Variants in CEP120 observed in about 807,000 individuals in gnomAD.
The protein encoded by CEP120 is centrosomal protein of 120 kDa.
A neutral mutation model predicts 126.5 loss-of-function variants in CEP120; 113 were observed. The observed-to-expected ratio is 0.89, with a 90% CI of 0.77 to 1.04. The LOEUF (loss-of-function observed/expected upper bound fraction) is 1.04. CEP120 is among the 50% of genes least tolerant of loss of function. The pLI is 0.00. For synonymous variants in CEP120, 400 were observed against 394.3 expected (o/e 1.01, Z -0.17); for missense variants, 1,230 against 1,155.7 (o/e 1.06, Z -0.93).
At chr5:123,415,248 C>A (rs924440485) in intron 3 of CEP120, among the ~76,000 whole-genome samples, 1 of 151,898 alleles carries the variant, frequency 6.6e-6, no homozygotes, top group African/African-American at 2.4e-5. Flanking sequence ...CAGTGAAAAG[C>A]AGAATAGCAG....
intron 4 of CEP120, among the ~76,000 whole-genome samples, chr5:123,404,018 T>A (rs918023208): frequency 6.6e-6 from 1 of 152,224 alleles, no homozygotes; most frequent in African/African-American, 2.4e-5. Context: ...GTAATAAGGT[T>A]ACATGTGTTA....
At chr5:123,406,190 C>CACAGA (rs1773646099) in intron 4 of CEP120, among the ~76,000 whole-genome samples, 3 of 147,374 alleles carry the variant, frequency 2.0e-5, no homozygotes, top group East Asian at 2.0e-4. Flanking sequence ...AAAAAAAAAC[C>CACAGA]ACAGAACAGA....
chr5:123,409,724 G>A (rs1351035596), intron 4 of CEP120, among the ~76,000 whole-genome samples: 1 of 152,058 alleles, frequency 6.6e-6, no homozygotes, highest in Non-Finnish European at 1.5e-5. Context: ...TTGGGAGGCC[G>A]AGGCAGGCGG....
At position 123,387,243 on chromosome 5, in the gene CEP120, C is replaced by G. The variant is rs115686008; in HGVS notation, c.1431-576G>C. Among the ~76,000 whole-genome samples, 557 of 152,142 alleles carry G rather than the reference C, an allele frequency of 3.7e-3. 3 individuals carry two copies. The highest frequency in any genetic ancestry group is 0.013 in the African/African-American group (536 of 41,522). On this transcript the variant is annotated intron_variant, in intron 9 of 19. Transcript: ENST00000306467. ...AAATTTAATCCTGTATCTTGTTATT[C>G]ATATATGAGAACTAAAATTTAAACA... is the stretch of plus-strand genomic sequence containing the variant.
intron 18 of CEP120, among the ~76,000 whole-genome samples, chr5:123,351,532 T>C (rs1398273976): frequency 1.3e-5 from 2 of 152,168 alleles, no homozygotes; most frequent in Non-Finnish European, 2.9e-5. Flanking sequence ...AGGCTTCAAA[T>C]TGCGTGGTCA....
At chr5:123,389,061 T>C (rs1255704311) in intron 8 of CEP120, among the ~76,000 whole-genome samples, 1 of 152,158 alleles carries the variant, frequency 6.6e-6, no homozygotes, top group Non-Finnish European at 1.5e-5. Context: ...TCCAACCTAT[T>C]AGAGATCAGA....
intron 6 of CEP120, 97 bp downstream of exon 6, chr5:123,393,203 G>A (rs997477326): frequency 2.8e-6 from 3 of 1,076,626 alleles, no homozygotes; most frequent in Non-Finnish European, 4.2e-6. Context: ...TACTGAAATA[G>A]GATTAAGTTT....
chr5:123,378,436 ATAGT>A lies in CEP120; in HGVS notation c.2104-12_2104-9del. 7.3e-7 allele frequency: 1 copy of A among 1,369,076 alleles called. No homozygotes were observed. The allele number at this position is 1,369,076 out of a possible 1,614,324, so 84.8% of individuals were successfully genotyped here. A position where few individuals can be genotyped will look rare whatever the true frequency, so the allele number is the denominator to read the frequency against. On this transcript the variant is annotated splice_polypyrimidine_tract_variant and intron_variant, in intron 14 of 19. Transcript: ENST00000306467. ...AATAGTATATTCAGCCACCTAAAAT[ATAGT>A]AAAAAAAAAAAAAAAAAAGTTACCT...
chr5:123,423,220 G>C lies in CEP120; in HGVS notation c.-222C>G. The C allele has an allele frequency of 3.6e-6, 2 of 562,552 alleles. No individual in the cohort carries two copies. The highest frequency in any genetic ancestry group is 2.1e-5 in the South Asian group (1 of 47,700). 34.8% of individuals were successfully genotyped at this position (562,552 alleles called of 1,614,324 possible). On this transcript the variant is annotated 5_prime_UTR_variant, in exon 1 of 20. Transcript: ENST00000306467. ...GATCCTAACTGTGCCCCGACTCAAG[G>C]AAAAAGCCACGCTGCAGCCCTGCCA...
At chr5:123,354,106 T>G (rs1333267067) in intron 18 of CEP120, among the ~76,000 whole-genome samples, 1 of 152,114 alleles carries the variant, frequency 6.6e-6, no homozygotes, top group Non-Finnish European at 1.5e-5. Flanking sequence ...CTTTGATGTG[T>G]TTTATGTGCA....
At position 123,375,154 on chromosome 5, in the gene CEP120, G is replaced by A. The variant is rs141082891; in HGVS notation, c.2358+2220C>T. On this transcript the variant is annotated intron_variant, in intron 16 of 19. Transcript: ENST00000306467. ...TGGACTTAGCAATCTGGGCATCTTG[G>A]AAACTTCTCCTGTCCTTCCTACCCC... Among the ~76,000 whole-genome samples the A allele has an allele frequency of 9.7e-4, 148 of 152,130 alleles. 1 individual carries two copies. Among genetic ancestry groups the A allele is most frequent in the African/African-American group, 3.5e-3 (144 of 41,524 alleles).
intron 3 of CEP120, 136 bp downstream of exon 3, chr5:123,415,874 A>T (rs947803220): frequency 1.8e-6 from 1 of 553,020 alleles, no homozygotes; most frequent in Non-Finnish European, 3.2e-6. Flanking sequence ...TCTCAAAAAA[A>T]AAAAGAACTG....
intron 4 of CEP120, among the ~76,000 whole-genome samples, chr5:123,399,990 C>T (rs1427844608): frequency 1.3e-5 from 2 of 152,046 alleles, no homozygotes; most frequent in Admixed American, 6.6e-5. Flanking sequence ...TTGATAATAT[C>T]CAATGTTGAG....
chr5:123,384,319 T>C (rs1461066489), intron 11 of CEP120, among the ~76,000 whole-genome samples: 1 of 152,058 alleles, frequency 6.6e-6, no homozygotes, highest in East Asian at 1.9e-4. Flanking sequence ...TTATCTTTAA[T>C]GATAAAGGGC....
intron 5 of CEP120, 86 bp downstream of exon 5, chr5:123,399,050 G>A: frequency 3.0e-6 from 3 of 1,012,966 alleles, no homozygotes; most frequent in Non-Finnish European, 4.0e-6. Context: ...AAGTCTACTT[G>A]CAAGTCTTTT....
At chr5:123,355,805 G>T (rs1036344348) in intron 18 of CEP120, among the ~76,000 whole-genome samples, 5 of 151,268 alleles carry the variant, frequency 3.3e-5, no homozygotes, top group African/African-American at 9.7e-5. Flanking sequence ...GTCAATTTTG[G>T]CTTTTGTTGC....
chr5:123,423,487 C>G (rs1774864181), upstream of CEP120: 1 of 162,416 alleles, frequency 6.2e-6, no homozygotes, highest in African/African-American at 2.4e-5. Flanking sequence ...TTCCAGAGCC[C>G]TAAGGAGGAC....
intron 1 of CEP120, among the ~76,000 whole-genome samples, chr5:123,420,007 T>C (rs1580750032): frequency 1.3e-5 from 2 of 152,186 alleles, no homozygotes; most frequent in East Asian, 3.8e-4. Flanking sequence ...TACAAGCTAC[T>C]TGTGGGGGAA....
At chr5:123,384,623 C>A (rs1197512418) in intron 11 of CEP120, among the ~76,000 whole-genome samples, 2 of 152,052 alleles carry the variant, frequency 1.3e-5, no homozygotes, top group East Asian at 3.9e-4. Context: ...AAAGTTTAAC[C>A]TCAAATTACA....
Sources: allele counts gnomAD v4.1 joint callset (sites outside exome capture counted in the v4.1 genomes callset), GRCh38; gene constraint gnomAD v4.1.1; transcripts MANE v1.5; gene names NCBI Gene and HGNC (gene_info 2026-07-23, HGNC 2026-07-21).